The following AUTS2 variants were observed in gnomAD, a reference collection of about 807,000 sequenced individuals.
The protein encoded by AUTS2 is activator of transcription and developmental regulator AUTS2, also known as autism susceptibility gene 2 protein.
Under a neutral mutation model 112.4 loss-of-function variants are expected in AUTS2, and 17 were observed. That is an observed-to-expected ratio of 0.15 (90% CI 0.10 to 0.23). The LOEUF is 0.23. Among genes scored for constraint, AUTS2 ranks in the 10% least tolerant of loss-of-function variants. The probability of loss-of-function intolerance (pLI) is 1.00; values close to 1 mark genes in which losing one functional copy is unlikely to be tolerated. For synonymous variants in AUTS2, 751 were observed against 702.7 expected (o/e 1.07, Z -1.09); for missense variants, 1,510 against 1,701.6 (o/e 0.89, Z 1.98).
intron 4 of AUTS2, among the ~76,000 whole-genome samples, chr7:70,181,497 T>G (rs1388836672): frequency 6.6e-6 from 1 of 152,012 alleles, no homozygotes; most frequent in African/African-American, 2.4e-5. Context: ...TTTTTTCTTT[T>G]TTTTTTTGAG....
At chr7:70,635,127 C>T (rs974984678) in intron 5 of AUTS2, among the ~76,000 whole-genome samples, 1 of 152,132 alleles carries the variant, frequency 6.6e-6, no homozygotes, top group Admixed American at 6.5e-5. Flanking sequence ...TTAATAGTAC[C>T]TTGGGGTCTT....
chr7:70,376,944 A>G (rs904291456), intron 4 of AUTS2, among the ~76,000 whole-genome samples: 2 of 151,742 alleles, frequency 1.3e-5, no homozygotes, highest in African/African-American at 2.4e-5. Context: ...GTCTTTGTCA[A>G]TGATCTGACC....
At chr7:69,802,728 T>C (rs530129212) in intron 1 of AUTS2, among the ~76,000 whole-genome samples, 307 of 152,236 alleles carry the variant, frequency 2.0e-3, no homozygotes, top group Non-Finnish European at 3.5e-3. Flanking sequence ...TGCTTTTCAG[T>C]GTTTTGTTTT....
At chr7:70,025,777 CT>C (rs34107096) in intron 2 of AUTS2, among the ~76,000 whole-genome samples, 459 of 126,560 alleles carry the variant, frequency 3.6e-3, no homozygotes, top group Middle Eastern at 9.0e-3. Context: ...TTTTACTAAG[CT>C]TTTTTTTTTT....
chr7:70,687,279 G>A (rs761890855), intron 5 of AUTS2, among the ~76,000 whole-genome samples: 3 of 152,192 alleles, frequency 2.0e-5, no homozygotes, highest in Non-Finnish European at 2.9e-5. Context: ...ACCAGGGGAG[G>A]CAGAGAGGCC....
chr7:70,786,145 C>A, intron 17 of AUTS2, 107 bp downstream of exon 17: 1 of 953,708 alleles, frequency 1.0e-6, no homozygotes, highest in Non-Finnish European at 1.6e-6. Context: ...TCTGGGGGGA[C>A]CAGTGTAGGT....
At chr7:69,686,639 G>A (rs1463039564) in intron 1 of AUTS2, among the ~76,000 whole-genome samples, 1 of 152,184 alleles carries the variant, frequency 6.6e-6, no homozygotes, top group East Asian at 1.9e-4. Context: ...CTTGACATAA[G>A]TAATTTGGGT....
chr7:70,598,687 T>C (rs1554438895), intron 5 of AUTS2, among the ~76,000 whole-genome samples: 3 of 152,200 alleles, frequency 2.0e-5, no homozygotes, highest in Non-Finnish European at 4.4e-5. Context: ...CCCCAGATTC[T>C]CTTTCTGACA....
intron 6 of AUTS2, among the ~76,000 whole-genome samples, chr7:70,710,129 C>T (rs1760323021): frequency 6.6e-6 from 1 of 151,544 alleles, no homozygotes; most frequent in African/African-American, 2.4e-5. Context: ...TTATAAAACC[C>T]CACTGTATAT....
intron 5 of AUTS2, among the ~76,000 whole-genome samples, chr7:70,553,545 C>T (rs1801102362): frequency 6.6e-6 from 1 of 152,108 alleles, no homozygotes; most frequent in African/African-American, 2.4e-5. Flanking sequence ...CAAGTGTTGA[C>T]TCTGTCTTTG....
rs376720775 is a variant in AUTS2, at chr7:70,284,584, C to A, written c.660+150013C>A. On this transcript the variant is annotated intron_variant, in intron 4 of 18. Transcript: ENST00000342771. ...TAAAATTGTAGTTGAGGTTGAACACCTTTTCATATGTTTTGGCCTTTTCAG... is the reference window on the plus strand; with the variant it reads ...TAAAATTGTAGTTGAGGTTGAACACATTTTCATATGTTTTGGCCTTTTCAG... 1.9e-3 allele frequency among the ~76,000 whole-genome samples: 292 copies of A among 152,118 alleles called. 6 individuals are homozygous for A. The highest frequency in any genetic ancestry group is 0.012 in the South Asian group (57 of 4,806).
intron 2 of AUTS2, among the ~76,000 whole-genome samples, chr7:69,934,283 G>A (rs1385511733): frequency 6.6e-6 from 1 of 152,310 alleles, no homozygotes; most frequent in East Asian, 1.9e-4. Context: ...AGCTGAGTTA[G>A]AGTGCAGTAG....
Position 70,117,104 on chromosome 7 carries a change from GT to G in AUTS2, c.523-1016del, listed in dbSNP as rs61076536. On this transcript the variant is annotated intron_variant, in intron 2 of 18. Coordinates refer to ENST00000342771, the MANE Select transcript of AUTS2 (RefSeq NM_015570.4). ...ACGTAAACTTCATGAGATGACTTTT[GT>G]TTTTTTTTTTTGTTTTTTTTTGTTT... 4.6e-3 allele frequency among the ~76,000 whole-genome samples: 362 copies of G among 78,410 alleles called. 5 individuals carry two copies. The highest frequency in any genetic ancestry group is 0.026 in the East Asian group (67 of 2,582). The allele number at this position is 78,410 out of a possible 152,430, so 51.4% of individuals were successfully genotyped here.
At chr7:69,901,095 A>G (rs1489615168) in intron 2 of AUTS2, among the ~76,000 whole-genome samples, 2 of 152,142 alleles carry the variant, frequency 1.3e-5, no homozygotes, top group African/African-American at 2.4e-5. Context: ...TCTGTTTTCC[A>G]TATTTAGATG....
intron 1 of AUTS2, among the ~76,000 whole-genome samples, chr7:69,882,123 C>A (rs1054082694): frequency 1.1e-4 from 15 of 137,510 alleles, no homozygotes; most frequent in Admixed American, 3.3e-4. Flanking sequence ...GCACTCCAGC[C>A]TGGGCAACAA....
chr7:70,296,649 C>T (rs1201551472), intron 4 of AUTS2, among the ~76,000 whole-genome samples: 1 of 152,004 alleles, frequency 6.6e-6, no homozygotes, highest in East Asian at 1.9e-4. Flanking sequence ...GTGTGTGTAA[C>T]TTTATTTTCT....
At chr7:69,651,529 CCT>C (rs59410320) in intron 1 of AUTS2, among the ~76,000 whole-genome samples, 2,945 of 152,292 alleles carry the variant, frequency 0.019, 95 homozygotes, top group African/African-American at 0.064. Context: ...AATAGACCCG[CCT>C]ACTATACTTA....
intron 4 of AUTS2, among the ~76,000 whole-genome samples, chr7:70,137,439 T>TTA (rs1562729693): frequency 6.6e-6 from 1 of 151,972 alleles, no homozygotes; most frequent in Non-Finnish European, 1.5e-5. Flanking sequence ...GACTAAAACT[T>TTA]GTTAGAGTGT....
chr7:69,703,681 C>G (rs541676866), intron 1 of AUTS2, among the ~76,000 whole-genome samples: 1 of 152,186 alleles, frequency 6.6e-6, no homozygotes, highest in South Asian at 2.1e-4. Context: ...TCCACTTAAA[C>G]AATAAAATAG....
Sources: gnomAD v4.1 joint callset for allele counts (sites outside exome capture counted in the v4.1 genomes callset) on GRCh38, gnomAD v4.1.1 for gene constraint, MANE v1.5 for transcripts, NCBI Gene and HGNC (gene_info 2026-07-23, HGNC 2026-07-21) for gene names.